RAB5B: variants seen among roughly 807,000 people sequenced by gnomAD.
The protein encoded by RAB5B is RAB5B, member RAS oncogene family, also known as ras-related protein Rab-5B.
A neutral mutation model predicts 28.6 loss-of-function variants in RAB5B; 11 were observed. The observed-to-expected ratio is 0.38, with a 90% CI of 0.24 to 0.64. The LOEUF is 0.64. Ranked by LOEUF, RAB5B falls within the 30% of genes least tolerant of loss-of-function variation. The probability of loss-of-function intolerance (pLI) is 0.53; values close to 1 mark genes in which losing one functional copy is unlikely to be tolerated. For synonymous variants in RAB5B, 93 were observed against 97.9 expected, an observed-to-expected ratio of 0.95 and a Z score of 0.29; for missense variants, 169 against 265.6, an observed-to-expected ratio of 0.64 and a Z score of 2.53.
chr12:55,982,599 A>T (rs1237454303), intron 1 of RAB5B, among the ~76,000 whole-genome samples: 1 of 152,170 alleles, frequency 6.6e-6, no homozygotes, highest in Non-Finnish European at 1.5e-5. Flanking sequence ...CAGCCAGAAC[A>T]TACTCTTAAG....
Position 55,992,170 on chromosome 12 carries a change from T to C in RAB5B, c.606T>C (p.His202=), listed in dbSNP as rs772548927. ...GCCGAAGCCGGGGTGTGGATCTCCA[T>C]GAACAGTCCCAGCAGAACAAGAGCC... The part of the protein sequence containing the change: ...AAGRSRGVDL[H]EQSQQNKSQC... The change falls in exon 6 of 6, where the codon CAT becomes CAC. Residue 202 remains histidine, a synonymous_variant. Coordinates refer to ENST00000360299, the MANE Select transcript of RAB5B (RefSeq NM_002868.4). The C allele has an allele frequency of 3.1e-6, 5 of 1,613,988 alleles. No individual in the cohort carries two copies. In the African/African-American group the frequency reaches 4.0e-5, roughly 13 times the overall value.
At chr12:55,989,840 G>C (rs1299330618) in intron 2 of RAB5B, 107 bp from the exon 3 acceptor site, 8 of 1,303,958 alleles carry the variant, frequency 6.1e-6, no homozygotes, top group African/African-American at 1.5e-5. Context: ...ACTATCCTGG[G>C]TGGTGACTGG....
intron 1 of RAB5B, among the ~76,000 whole-genome samples, chr12:55,982,987 G>A (rs1592798315): frequency 6.6e-6 from 1 of 152,178 alleles, no homozygotes; most frequent in East Asian, 1.9e-4. Flanking sequence ...TGTTTCTTGA[G>A]AGTATAGCAT....
chr12:55,990,121 C>T (rs1461488449), intron 3 of RAB5B, 23 bp downstream of exon 3: 3 of 1,601,688 alleles, frequency 1.9e-6, no homozygotes, highest in Non-Finnish European at 2.6e-6. Flanking sequence ...AGAAGACTGT[C>T]CTTGTTGGCT....
At chr12:55,981,425 A>G (rs1565786448) in intron 1 of RAB5B, among the ~76,000 whole-genome samples, 1 of 152,072 alleles carries the variant, frequency 6.6e-6, no homozygotes, top group African/African-American at 2.4e-5. Flanking sequence ...ACTGGACTAA[A>G]TGACCTCTAG....
chr12:55,987,463 C>T (rs988744305), intron 2 of RAB5B, among the ~76,000 whole-genome samples: 4 of 151,968 alleles, frequency 2.6e-5, no homozygotes, highest in African/African-American at 4.8e-5. Context: ...CACGCCGGGC[C>T]GGTAAGGCTT....
Position 55,992,136 on chromosome 12 carries a change from G to T in RAB5B, c.572G>T (p.Gly191Val), listed in dbSNP as rs1345734193. 1.2e-6 allele frequency: 2 copies of T among 1,614,000 alleles called. No individual in the cohort carries two copies. Among genetic ancestry groups the T allele is most frequent in the Non-Finnish European group, 1.7e-6 (2 of 1,180,016 alleles). ...LPKSEPQNLG[G>V]AAGRSRGVDL... ...AAGAGTGAACCCCAGAATCTGGGAG[G>T]TGCAGCAGGCCGAAGCCGGGGTGTG... is the stretch of plus-strand genomic sequence containing the variant. Residue 191 changes from glycine to valine, a missense_variant, in exon 6 of 6, where the codon GGT (glycine) becomes GTT (valine). By Grantham distance (109) the Gly-to-Val change is moderately radical. Transcript: ENST00000360299.
chr12:55,980,104 CAG>C (rs1264895577), intron 1 of RAB5B, among the ~76,000 whole-genome samples: 10 of 152,072 alleles, frequency 6.6e-5, no homozygotes, highest in African/African-American at 2.4e-4. Flanking sequence ...CAGAATAAAT[CAG>C]TGTATTTACA....
rs770505751 is a variant in RAB5B at position 55,991,407 on chromosome 12, T to A, written c.486T>A (p.Thr162=). 1 of 1,613,992 alleles carries A rather than the reference T, an allele frequency of 6.2e-7. No individual in the cohort carries two copies. The highest frequency in any genetic ancestry group is 8.5e-7 in the Non-Finnish European group (1 of 1,179,984). ...ADDNSLLFME[T]SAKTAMNVND... Reference sequence around the variant, plus strand: ...ACAACAGCTTATTGTTCATGGAGACTTCAGCCAAGACAGCTATGAACGTGA... The same window carrying A: ...ACAACAGCTTATTGTTCATGGAGACATCAGCCAAGACAGCTATGAACGTGA... The change falls in exon 5 of 6, where the codon ACT becomes ACA. Residue 162 remains threonine, a synonymous_variant. Transcript: ENST00000360299.
At chr12:55,987,450 C>T (rs1438978315) in intron 2 of RAB5B, among the ~76,000 whole-genome samples, 1 of 151,942 alleles carries the variant, frequency 6.6e-6, no homozygotes, top group Non-Finnish European at 1.5e-5. Flanking sequence ...AGGCGTGAGT[C>T]ACCACGCCGG....
chr12:55,976,868 C>G (rs758937391), intron 1 of RAB5B, among the ~76,000 whole-genome samples: 6 of 152,168 alleles, frequency 3.9e-5, no homozygotes, highest in African/African-American at 1.2e-4. Context: ...GCTTTAAAAG[C>G]CCTCTGTTGT....
chr12:55,977,275 G>C (rs1011929841), intron 1 of RAB5B, among the ~76,000 whole-genome samples: 1 of 125,836 alleles, frequency 7.9e-6, no homozygotes, highest in South Asian at 2.3e-4. Flanking sequence ...GCGCCTGGCC[G>C]TGTGTGCGTG....
intron 1 of RAB5B, among the ~76,000 whole-genome samples, chr12:55,974,428 G>T (rs1045561834): frequency 3.3e-5 from 5 of 152,228 alleles, no homozygotes; most frequent in Admixed American, 3.3e-4. Flanking sequence ...GCAGGGGCAG[G>T]CCTCATTAAG....
intron 5 of RAB5B, 133 bp downstream of exon 5, chr12:55,991,586 G>T: frequency 1.5e-6 from 1 of 662,690 alleles, no homozygotes; most frequent in Non-Finnish European, 2.7e-6. Flanking sequence ...TTAACTTTCT[G>T]TTATGACCTC....
At chr12:55,984,813 T>C (rs1889910336) in intron 1 of RAB5B, among the ~76,000 whole-genome samples, 1 of 152,206 alleles carries the variant, frequency 6.6e-6, no homozygotes, top group African/African-American at 2.4e-5. Context: ...TAACAACTAA[T>C]ATTGAGATAT....
At chr12:55,984,744 G>A (rs1327317820) in intron 1 of RAB5B, among the ~76,000 whole-genome samples, 1 of 152,170 alleles carries the variant, frequency 6.6e-6, no homozygotes, top group Non-Finnish European at 1.5e-5. Flanking sequence ...CCAAAGTGCT[G>A]GGATTATAGG....
intron 2 of RAB5B, among the ~76,000 whole-genome samples, chr12:55,988,785 G>A (rs1225090376): frequency 2.0e-5 from 3 of 151,766 alleles, no homozygotes; most frequent in Non-Finnish European, 4.4e-5. Context: ...TTACAAGCAT[G>A]AGCCACCGTG....
chr12:55,978,228 G>A (rs1391973907), intron 1 of RAB5B, among the ~76,000 whole-genome samples: 2 of 152,228 alleles, frequency 1.3e-5, no homozygotes, highest in African/African-American at 2.4e-5. Context: ...GGCCGTGTGC[G>A]GTGGCATGCG....
intron 1 of RAB5B, among the ~76,000 whole-genome samples, chr12:55,981,444 T>C (rs1054461863): frequency 6.6e-6 from 1 of 152,198 alleles, no homozygotes; most frequent in Non-Finnish European, 1.5e-5. Context: ...AGACTGGCTC[T>C]GATCTGCCTG....
Sources: gnomAD v4.1 joint callset for allele counts (sites outside exome capture counted in the v4.1 genomes callset) on GRCh38, gnomAD v4.1.1 for gene constraint, MANE v1.5 for transcripts, NCBI Gene and HGNC (gene_info 2026-07-23, HGNC 2026-07-21) for gene names.